Variants in B3GALT1 observed in about 807,000 individuals in gnomAD.
B3GALT1 encodes the protein UDP-Gal:betaGlcNAc beta 1,3-galactosyltransferase, polypeptide 1.
In B3GALT1, 10 loss-of-function variants were observed where a neutral mutation model predicts 23.2. The ratio of observed to expected loss-of-function variants is 0.43; its 90% CI spans 0.27 to 0.73. The LOEUF (loss-of-function observed/expected upper bound fraction) is 0.73. Among genes scored for constraint, B3GALT1 ranks in the 30% least tolerant of loss-of-function variants. The pLI is 0.21. For missense variants in B3GALT1, 299 were observed against 405.4 expected (o/e 0.74, Z 2.25); for synonymous variants, 156 against 141.5 (o/e 1.10, Z -0.73).
At chr2:167,731,628 T>C (rs1687411783) in intron 3 of B3GALT1, among the ~76,000 whole-genome samples, 1 of 152,234 alleles carries the variant, frequency 6.6e-6, no homozygotes, top group South Asian at 2.1e-4. Context: ...ATTCATTTGA[T>C]TATTTTCTAG....
intron 2 of B3GALT1, among the ~76,000 whole-genome samples, chr2:167,570,134 A>C (rs1459997788): frequency 1.3e-5 from 2 of 151,682 alleles, no homozygotes. Context: ...CTCTTCTTAC[A>C]TTGTCTTTCT....
intron 1 of B3GALT1, among the ~76,000 whole-genome samples, chr2:167,458,457 C>A (rs1213027766): frequency 6.6e-6 from 1 of 152,178 alleles, no homozygotes; most frequent in Non-Finnish European, 1.5e-5. Context: ...GTTTTCAATT[C>A]TTTGGGGTAC....
chr2:167,538,645 A>G (rs971923456), intron 2 of B3GALT1, among the ~76,000 whole-genome samples: 1 of 152,198 alleles, frequency 6.6e-6, no homozygotes, highest in African/African-American at 2.4e-5. Flanking sequence ...GTCTTTAGTT[A>G]TTCTCCAAAC....
intron 2 of B3GALT1, among the ~76,000 whole-genome samples, chr2:167,564,682 G>A (rs1031880260): frequency 1.1e-4 from 16 of 152,150 alleles, no homozygotes; most frequent in Non-Finnish European, 2.1e-4. Flanking sequence ...CCAACACAGC[G>A]AATCCAAATC....
chr2:167,698,677 G>C (rs981794032), intron 3 of B3GALT1, among the ~76,000 whole-genome samples: 4 of 152,190 alleles, frequency 2.6e-5, no homozygotes, highest in African/African-American at 9.7e-5. Flanking sequence ...ACAAGACTTT[G>C]ACAAGTTTGT....
At chr2:167,311,594 T>C (rs1216598140) in intron 1 of B3GALT1, among the ~76,000 whole-genome samples, 1 of 152,018 alleles carries the variant, frequency 6.6e-6, no homozygotes, top group Non-Finnish European at 1.5e-5. Context: ...AATAAATATA[T>C]ACTTGTTATT....
intron 1 of B3GALT1, among the ~76,000 whole-genome samples, chr2:167,435,977 A>G (rs1032026905): frequency 9.5e-6 from 1 of 104,980 alleles, no homozygotes; most frequent in Non-Finnish European, 1.8e-5. Flanking sequence ...ACACACACAC[A>G]CACACGCACA....
At chr2:167,632,084 G>T (rs1000553137) in intron 2 of B3GALT1, among the ~76,000 whole-genome samples, 2 of 151,892 alleles carry the variant, frequency 1.3e-5, no homozygotes, top group African/African-American at 4.8e-5. Context: ...TGAGAATGAT[G>T]GTTTCCAGCT....
chr2:167,871,891 C>CTTTTTT lies in B3GALT1; in HGVS notation c.*1894_*1899dup, dbSNP rs397870339. ...AGAGTGTACCTTTTTTATTTATTTA[C>CTTTTTT]TTTTTTTTTTTTTTTTTTTTTTTTT... On this transcript the variant is annotated 3_prime_UTR_variant, in exon 5 of 5. Coordinates refer to ENST00000392690, the MANE Select transcript of B3GALT1 (RefSeq NM_020981.4). 30 of 62,462 alleles carry CTTTTTT rather than the reference C, an allele frequency of 4.8e-4. 3 individuals are homozygous for CTTTTTT. The highest frequency in any genetic ancestry group is 8.0e-4 in the Non-Finnish European group (26 of 32,556). 3.9% of individuals were successfully genotyped at this position (62,462 alleles called of 1,614,324 possible). A position where few individuals can be genotyped will look rare whatever the true frequency, so the allele number is the denominator to read the frequency against.
At chr2:167,433,903 G>A (rs1269364021) in intron 1 of B3GALT1, among the ~76,000 whole-genome samples, 1 of 152,060 alleles carries the variant, frequency 6.6e-6, no homozygotes, top group Non-Finnish European at 1.5e-5. Context: ...CCTCCAACCT[G>A]GGTGACAGAG....
intron 3 of B3GALT1, among the ~76,000 whole-genome samples, chr2:167,735,029 A>G (rs1378156292): frequency 4.6e-5 from 7 of 152,096 alleles, no homozygotes; most frequent in African/African-American, 1.7e-4. Flanking sequence ...CTGGATTTGC[A>G]CATGGTTTTA....
chr2:167,809,690 C>T (rs936955227), intron 3 of B3GALT1, among the ~76,000 whole-genome samples: 4 of 152,276 alleles, frequency 2.6e-5, no homozygotes, highest in African/African-American at 7.2e-5. Flanking sequence ...GTCAGTCTGC[C>T]CCTACTGGGG....
At chr2:167,508,800 G>C (rs1202096801) in intron 2 of B3GALT1, among the ~76,000 whole-genome samples, 20 of 151,910 alleles carry the variant, frequency 1.3e-4, no homozygotes, top group Non-Finnish European at 2.9e-5. Context: ...GGAAAAGTTT[G>C]GTAGAATTTA....
At chr2:167,638,868 G>A (rs1211675081) in intron 2 of B3GALT1, among the ~76,000 whole-genome samples, 1 of 151,990 alleles carries the variant, frequency 6.6e-6, no homozygotes, top group Non-Finnish European at 1.5e-5. Flanking sequence ...TGGGATTCTA[G>A]TTGCAACCCT....
chr2:167,468,637 T>G (rs1465882851), intron 1 of B3GALT1, among the ~76,000 whole-genome samples: 1 of 152,146 alleles, frequency 6.6e-6, no homozygotes, highest in Non-Finnish European at 1.5e-5. Context: ...TTTGGGAGGC[T>G]GAGGAGGGCA....
intron 1 of B3GALT1, among the ~76,000 whole-genome samples, chr2:167,326,723 TCTATCGCCCAGGCTG>T (rs939105711): frequency 3.3e-4 from 50 of 152,050 alleles, no homozygotes; most frequent in African/African-American, 1.2e-3. Context: ...ACAGTTTCAC[TCTATCGCCCAGGCTG>T]GAGTGCAATG....
At chr2:167,621,996 A>G (rs1469695630) in intron 2 of B3GALT1, among the ~76,000 whole-genome samples, 6 of 152,104 alleles carry the variant, frequency 3.9e-5, no homozygotes, top group Admixed American at 2.0e-4. Flanking sequence ...TATTAGCAGC[A>G]TGAGAATGGA....
chr2:167,411,489 A>G (rs2105295899), intron 1 of B3GALT1, among the ~76,000 whole-genome samples: 1 of 152,254 alleles, frequency 6.6e-6, no homozygotes, highest in Non-Finnish European at 1.5e-5. Flanking sequence ...AGGTATATGA[A>G]AAAATGTTCA....
chr2:167,657,057 A>G (rs933619193), intron 3 of B3GALT1, among the ~76,000 whole-genome samples: 6 of 152,104 alleles, frequency 3.9e-5, no homozygotes, highest in Non-Finnish European at 8.8e-5. Context: ...ATGGTTTTTC[A>G]ACTGGTCAAG....
Sources: allele counts gnomAD v4.1 joint callset (sites outside exome capture counted in the v4.1 genomes callset), GRCh38; gene constraint gnomAD v4.1.1; transcripts MANE v1.5; gene names NCBI Gene and HGNC (gene_info 2026-07-23, HGNC 2026-07-21).